CCDC73: variants seen among roughly 807,000 people sequenced by gnomAD.
The protein encoded by CCDC73 is coiled-coil domain-containing protein 73.
In CCDC73, 95 loss-of-function variants were observed where a neutral mutation model predicts 116.5. That is an observed-to-expected ratio of 0.82 (90% CI 0.69 to 0.97). CCDC73 has a LOEUF of 0.97. Among genes scored for constraint, CCDC73 ranks in the 50% least tolerant of loss-of-function variants. The pLI is 0.00. For missense variants in CCDC73, 1,066 were observed against 1,206.8 expected (o/e 0.88, Z 1.73); for synonymous variants, 398 against 401.3 (o/e 0.99, Z 0.10).
At chr11:32,650,070 A>G (rs2133258324) in intron 12 of CCDC73, among the ~76,000 whole-genome samples, 1 of 152,296 alleles carries the variant, frequency 6.6e-6, no homozygotes, top group East Asian at 1.9e-4. Flanking sequence ...AATTATATTT[A>G]TAGTCACCAT....
intron 1 of CCDC73, among the ~76,000 whole-genome samples, chr11:32,786,388 T>C (rs1364827685): frequency 8.8e-6 from 1 of 113,898 alleles, no homozygotes; most frequent in Non-Finnish European, 2.1e-5. Context: ...ATATTATTTA[T>C]ATAATTATAA....
At chr11:32,769,190 A>G (rs140005383) in intron 1 of CCDC73, among the ~76,000 whole-genome samples, 1 of 151,946 alleles carries the variant, frequency 6.6e-6, no homozygotes, top group East Asian at 1.9e-4. Context: ...TGTGTAACAA[A>G]CCTCCCCAAA....
upstream of CCDC73, among the ~76,000 whole-genome samples, chr11:32,795,629 T>C (rs1850719815): frequency 6.6e-6 from 1 of 152,152 alleles, no homozygotes; most frequent in Non-Finnish European, 1.5e-5. Flanking sequence ...TGTAATATGT[T>C]TCAGGCCTAC....
chr11:32,656,165 C>T (rs1038063015), intron 9 of CCDC73, among the ~76,000 whole-genome samples: 1 of 151,866 alleles, frequency 6.6e-6, no homozygotes, highest in East Asian at 1.9e-4. Flanking sequence ...GCAAGCTCCG[C>T]CTCCTGGGTT....
At chr11:32,807,895 A>ATGGC in the CCDC73 span, among the ~76,000 whole-genome samples, 1 of 152,230 alleles carries the variant, frequency 6.6e-6, no homozygotes, top group Admixed American at 6.5e-5. Context: ...AATCAGAAGA[A>ATGGC]TGGCTCCCTC....
chr11:32,636,703 A>G (rs993338794), intron 13 of CCDC73, among the ~76,000 whole-genome samples: 3 of 152,052 alleles, frequency 2.0e-5, no homozygotes, highest in African/African-American at 4.8e-5. Context: ...ATATTCCTCT[A>G]TAAAGCCCTA....
At chr11:32,700,853 TA>T in intron 4 of CCDC73, 27 bp from the exon 5 acceptor site, 1 of 1,320,938 alleles carries the variant, frequency 7.6e-7, no homozygotes, top group Non-Finnish European at 1.0e-6. Context: ...AAAATTAAAA[TA>T]AAGGGATCAC....
intron 6 of CCDC73, among the ~76,000 whole-genome samples, chr11:32,698,011 A>ATTTTTT (rs869153507): frequency 3.2e-4 from 6 of 18,860 alleles, no homozygotes; most frequent in Middle Eastern, 0.029. Context: ...CTAACACTGA[A>ATTTTTT]TTTTTTTTTT....
In CCDC73 at chr11:32,653,153, T is replaced by G. The variant is rs1473799214; in HGVS notation, c.909A>C (p.Ala303=). 1.2e-6 allele frequency: 2 copies of G among 1,611,098 alleles called. No homozygotes were observed. The highest frequency in any genetic ancestry group is 4.5e-5 in the East Asian group (2 of 44,702). ...TATTTTCTTTTAGCACCTTCAATTC[T>G]GCCTCCATTTCAGTATTAGCTTGAA... ...QQIQANTEME[A]ELKVLKENNQ... is the part of the protein sequence containing the mutation. The change falls in exon 12 of 18, where the codon GCA becomes GCC. Residue 303 remains alanine, a synonymous_variant. Coordinates refer to ENST00000335185, the MANE Select transcript of CCDC73 (RefSeq NM_001008391.4).
chr11:32,612,660 C>T (rs998672005), intron 16 of CCDC73, among the ~76,000 whole-genome samples: 2 of 151,838 alleles, frequency 1.3e-5, no homozygotes, highest in African/African-American at 4.8e-5. Flanking sequence ...TTCCTTCAGC[C>T]TGGGAGGTTA....
intron 14 of CCDC73, among the ~76,000 whole-genome samples, chr11:32,628,228 A>G (rs920089611): frequency 2.0e-5 from 3 of 152,196 alleles, no homozygotes; most frequent in African/African-American, 7.2e-5. Flanking sequence ...CCCTATGATT[A>G]CTCAGGCTTA....
intron 2 of CCDC73, among the ~76,000 whole-genome samples, chr11:32,747,641 C>A (rs1377629467): frequency 6.6e-6 from 1 of 152,118 alleles, no homozygotes; most frequent in Non-Finnish European, 1.5e-5. Context: ...ACCACCTACT[C>A]AAGCCTCAGC....
At chr11:32,691,177 TG>T (rs1856254682) in intron 6 of CCDC73, among the ~76,000 whole-genome samples, 1 of 152,064 alleles carries the variant, frequency 6.6e-6, no homozygotes, top group Non-Finnish European at 1.5e-5. Context: ...CCCAAGTAGT[TG>T]GGGCTACAGG....
intron 17 of CCDC73, among the ~76,000 whole-genome samples, chr11:32,609,946 A>ATTTTTT (rs34935006): frequency 1.4e-5 from 2 of 138,578 alleles, no homozygotes. Context: ...AGCCCAGCTA[A>ATTTTTT]TTTTTTTTTT....
chr11:32,661,533 G>A (rs903799267), intron 9 of CCDC73, among the ~76,000 whole-genome samples: 1 of 147,272 alleles, frequency 6.8e-6, no homozygotes, highest in Non-Finnish European at 1.5e-5. Context: ...TCCCACCTGA[G>A]AGTGAGAACA....
At chr11:32,691,416 G>A (rs1021524996) in intron 6 of CCDC73, among the ~76,000 whole-genome samples, 1 of 152,062 alleles carries the variant, frequency 6.6e-6, no homozygotes, top group East Asian at 1.9e-4. Context: ...GGTGAGTAGT[G>A]TATCTTTGTT....
chr11:32,828,822 A>G, the CCDC73 span, among the ~76,000 whole-genome samples: 1 of 152,186 alleles, frequency 6.6e-6, no homozygotes, highest in Non-Finnish European at 1.5e-5. Flanking sequence ...AAAACTGAGA[A>G]ATTTTCAAAA....
At chr11:32,707,092 A>T (rs909186943) in intron 3 of CCDC73, among the ~76,000 whole-genome samples, 1 of 152,234 alleles carries the variant, frequency 6.6e-6, no homozygotes, top group East Asian at 1.9e-4. Flanking sequence ...CCTCTACCTA[A>T]GTTTACAAAA....
At chr11:32,811,916 T>G in the CCDC73 span, among the ~76,000 whole-genome samples, 1 of 152,058 alleles carries the variant, frequency 6.6e-6, no homozygotes, top group South Asian at 2.1e-4. Flanking sequence ...CAAAATATAT[T>G]CTATTTATCC....
Sources: allele counts gnomAD v4.1 joint callset (sites outside exome capture counted in the v4.1 genomes callset), GRCh38; gene constraint gnomAD v4.1.1; transcripts MANE v1.5; gene names NCBI Gene and HGNC (gene_info 2026-07-23, HGNC 2026-07-21).